The following PTCD3 variants were observed in gnomAD, a reference collection of about 807,000 sequenced individuals.
The protein encoded by PTCD3 is small ribosomal subunit protein mS39.
A neutral mutation model predicts 101.9 loss-of-function variants in PTCD3; 89 were observed. That is an observed-to-expected ratio of 0.87 (90% CI 0.74 to 1.04). The LOEUF (loss-of-function observed/expected upper bound fraction) is 1.04, where lower values mean the gene tolerates loss of function less well. PTCD3 is among the 50% of genes least tolerant of loss of function. PTCD3 has a pLI of 0.00. For synonymous variants in PTCD3, 296 were observed against 278.5 expected (o/e 1.06, Z -0.63); for missense variants, 870 against 828.2 (o/e 1.05, Z -0.62).
chr2:86,106,865 T>C (rs1274610010), intron 1 of PTCD3, among the ~76,000 whole-genome samples: 1 of 152,216 alleles, frequency 6.6e-6, no homozygotes, highest in Non-Finnish European at 1.5e-5. Flanking sequence ...GGAACATGTA[T>C]GACCTATCTG....
intron 18 of PTCD3, 24 bp downstream of exon 18, chr2:86,133,280 T>A (rs774761892): frequency 1.2e-6 from 2 of 1,613,972 alleles, no homozygotes; most frequent in Non-Finnish European, 1.7e-6. Flanking sequence ...TTACTTGTTA[T>A]TTATCATTCT....
Position 86,136,579 on chromosome 2 carries a change from C to A in PTCD3, c.1820+17C>A. 1 of 1,608,646 alleles carries A rather than the reference C, an allele frequency of 6.2e-7. No individual in the cohort carries two copies. Among genetic ancestry groups the A allele is most frequent in the South Asian group, 1.1e-5 (1 of 90,966 alleles). Reference sequence around the variant, plus strand: ...GATTCCTAGGTAAGTTGAAATCAGCCAGCTCTCTTTGGGTACAGCCTGGAA... The same window carrying A: ...GATTCCTAGGTAAGTTGAAATCAGCAAGCTCTCTTTGGGTACAGCCTGGAA... On this transcript the variant is annotated intron_variant, in intron 22 of 23. Coordinates refer to ENST00000254630, the MANE Select transcript of PTCD3 (RefSeq NM_017952.6).
intron 1 of PTCD3, among the ~76,000 whole-genome samples, chr2:86,106,558 T>G (rs1673954488): frequency 6.6e-6 from 1 of 152,226 alleles, no homozygotes; most frequent in Admixed American, 6.5e-5. Context: ...ACTTATTGGT[T>G]GCTTGCAATA....
chr2:86,121,344 A>G, intron 7 of PTCD3, 135 bp from the exon 8 acceptor site: 3 of 528,598 alleles, frequency 5.7e-6, no homozygotes, highest in Non-Finnish European at 6.7e-6. Flanking sequence ...CGTTGAGTGC[A>G]TAAAGTAGTG....
At chr2:86,108,569 G>C in intron 3 of PTCD3, 33 bp downstream of exon 3, 1 of 1,563,218 alleles carries the variant, frequency 6.4e-7, no homozygotes, top group Non-Finnish European at 8.7e-7. Context: ...TTCAGCAAAT[G>C]GTTGAGTGCT....
intron 4 of PTCD3, among the ~76,000 whole-genome samples, chr2:86,114,267 A>G (rs966897501): frequency 6.6e-6 from 1 of 152,068 alleles, no homozygotes; most frequent in Non-Finnish European, 1.5e-5. Flanking sequence ...CAAGACTGAG[A>G]AAGGAATTCT....
chr2:86,123,677 T>G (rs926972425), intron 8 of PTCD3, 24 bp from the exon 9 acceptor site: 2 of 1,556,446 alleles, frequency 1.3e-6, no homozygotes, highest in Admixed American at 4.0e-5. Flanking sequence ...AACTTTTATT[T>G]CTTTTGATGA....
intron 1 of PTCD3, among the ~76,000 whole-genome samples, chr2:86,107,764 T>C (rs563994853): frequency 1.3e-5 from 2 of 152,344 alleles, no homozygotes; most frequent in South Asian, 2.1e-4. Context: ...TTCCCTATGT[T>C]GTAATTGCTT....
chr2:86,129,155 C>CCTAG (rs1026647727), intron 14 of PTCD3, among the ~76,000 whole-genome samples: 2 of 152,070 alleles, frequency 1.3e-5, no homozygotes, highest in African/African-American at 4.8e-5. Context: ...TAATTGTGTC[C>CCTAG]CCTAAAATTT....
chr2:86,133,221 G>A lies in PTCD3; in HGVS notation c.1417G>A (p.Val473Ile), dbSNP rs777833765. The A allele has an allele frequency of 8.1e-6, 13 of 1,613,954 alleles. No homozygotes were observed. The East Asian group carries it at 2.5e-4, about 30-fold the overall frequency. ...GATTTGTCTAATGGAACAAATTGAT[G>A]TTACCTTGAAGTGGTATGAGGACCT... ...DLICLMEQID[V>I]TLKWYEDLIP... The change falls in exon 18 of 24, where the codon GTT becomes ATT. Residue 473 changes from valine to isoleucine, a missense_variant. Coordinates refer to ENST00000254630, the MANE Select transcript of PTCD3 (RefSeq NM_017952.6).
chr2:86,123,167 C>T (rs1009843323), intron 8 of PTCD3, among the ~76,000 whole-genome samples: 12 of 151,528 alleles, frequency 7.9e-5, no homozygotes, highest in Non-Finnish European at 1.5e-4. Context: ...GAGGCTGAGG[C>T]AGGAGAATTC....
At chr2:86,116,720 T>C (rs1006084641) in intron 5 of PTCD3, 122 bp downstream of exon 5, 5 of 735,854 alleles carry the variant, frequency 6.8e-6, no homozygotes, top group South Asian at 1.7e-5. Context: ...TGATAGACTA[T>C]GTGAATCCTT....
intron 7 of PTCD3, chr2:86,119,299 T>G (rs1674238103): frequency 2.2e-6 from 1 of 450,722 alleles, no homozygotes; most frequent in Non-Finnish European, 3.8e-6. Flanking sequence ...CCTTCTACCT[T>G]AGCTTCTGTT....
At position 86,132,442 on chromosome 2, in the gene PTCD3, A is replaced by G; in HGVS notation, c.1373+18A>G. ...TTCTATTAGTAAGTGTGTTGGAAAC[A>G]TATCCTTTTGCATGAGTTACCAGAT... On this transcript the variant is annotated intron_variant, in intron 17 of 23. Coordinates refer to ENST00000254630, the MANE Select transcript of PTCD3 (RefSeq NM_017952.6). 1.3e-6 allele frequency: 2 copies of G among 1,527,656 alleles called. No individual in the cohort carries two copies. The highest frequency in any genetic ancestry group is 2.3e-5 in the South Asian group (2 of 88,098). 94.6% of individuals were successfully genotyped at this position (1,527,656 alleles called of 1,614,324 possible).
At chr2:86,109,143 C>A (rs1439491197) in intron 3 of PTCD3, among the ~76,000 whole-genome samples, 1 of 152,164 alleles carries the variant, frequency 6.6e-6, no homozygotes, top group East Asian at 1.9e-4. Flanking sequence ...CGGTGGCTTA[C>A]GCCTGTAATC....
intron 19 of PTCD3, 112 bp downstream of exon 19, chr2:86,133,548 C>A: frequency 1.9e-6 from 2 of 1,049,924 alleles, no homozygotes; most frequent in Non-Finnish European, 2.8e-6. Context: ...TTGACTGAAC[C>A]AAATGTGTTA....
rs188815046 is a variant in PTCD3, at chr2:86,111,173, G to T, written c.240+15G>T. On this transcript the variant is annotated intron_variant, in intron 4 of 23. Coordinates refer to ENST00000254630, the MANE Select transcript of PTCD3 (RefSeq NM_017952.6). ...CAGTAAACAGGGTAAGTAGGATTTTGTGTTTTTTTTTAACCTAAAACTTGG... is the reference window on the plus strand; with the variant it reads ...CAGTAAACAGGGTAAGTAGGATTTTTTGTTTTTTTTTAACCTAAAACTTGG... The T allele has an allele frequency of 1.9e-4, 308 of 1,609,004 alleles. 1 individual carries two copies. In the African/African-American group the frequency reaches 3.7e-3, roughly 19 times the overall value.
chr2:86,135,875 T>C (rs1169215528), intron 21 of PTCD3: 1 of 516,062 alleles, frequency 1.9e-6, no homozygotes, highest in Admixed American at 2.0e-5. Context: ...ACAACCAGGC[T>C]GTGATGATTG....
chr2:86,137,014 C>T lies in PTCD3; in HGVS notation c.1853C>T (p.Ala618Val). ...SELLNELMDS[A>V]KVSNSPSQAI... ...TTGCTGAATGAGCTTATGGACAGTG[C>T]AAAAGTGTCTAACAGCCCTTCCCAG... The change falls in exon 23 of 24, where the codon GCA becomes GTA. Residue 618 changes from alanine (A) to valine (V), a missense_variant. Physicochemically the swap from Ala to Val is moderately conservative, Grantham distance 64. Transcript: ENST00000254630. 1 of 1,613,798 alleles carries T rather than the reference C, an allele frequency of 6.2e-7. No individual in the cohort carries two copies. The highest frequency in any genetic ancestry group is 1.1e-5 in the South Asian group (1 of 91,032).
Sources: gnomAD v4.1 joint callset for allele counts (sites outside exome capture counted in the v4.1 genomes callset) on GRCh38, gnomAD v4.1.1 for gene constraint, MANE v1.5 for transcripts, NCBI Gene and HGNC (gene_info 2026-07-23, HGNC 2026-07-21) for gene names.